MYH10: variants seen among roughly 807,000 people sequenced by gnomAD.
MYH10 encodes myosin heavy chain 10.
MYH10 carries 55 observed loss-of-function variants against 257.8 expected under a neutral mutation model. That is an observed-to-expected ratio of 0.21 (90% CI 0.17 to 0.27). MYH10 has a LOEUF of 0.27. MYH10 is among the 10% of genes least tolerant of loss of function. The probability of loss-of-function intolerance (pLI) is 1.00; values close to 1 mark genes in which losing one functional copy is unlikely to be tolerated. For missense variants in MYH10, 1,631 were observed against 2,500.6 expected (o/e 0.65, Z 7.42); for synonymous variants, 854 against 921.7 (o/e 0.93, Z 1.33).
chr17:8,536,768 CAGCCTGGGTAACAG>C (rs1448091095), intron 14 of MYH10, among the ~76,000 whole-genome samples: 235 of 147,822 alleles, frequency 1.6e-3, no homozygotes, highest in African/African-American at 5.7e-3. Context: ...CATTGCACTC[CAGCCTGGGTAACAG>C]AGCAAGACTC....
chr17:8,563,463 C>T (rs1463915939), intron 7 of MYH10, among the ~76,000 whole-genome samples: 1 of 152,084 alleles, frequency 6.6e-6, no homozygotes, highest in South Asian at 2.1e-4. Flanking sequence ...CTCCCCAATC[C>T]GGGGTCAAGG....
intron 35 of MYH10, among the ~76,000 whole-genome samples, chr17:8,489,351 C>T (rs1029767805): frequency 6.6e-6 from 1 of 152,108 alleles, no homozygotes; most frequent in African/African-American, 2.4e-5. Flanking sequence ...ATTTCTTATC[C>T]AGCAATAAAT....
In MYH10 at chr17:8,546,992, C is replaced by T. The variant is rs186427625; in HGVS notation, c.1160-330G>A. On this transcript the variant is annotated intron_variant, in intron 11 of 42. Transcript: ENST00000360416. The stretch of plus-strand genomic sequence containing the variant: ...GGCATGATCTCACTACTGATCAGCA[C>T]GGGAGTTTTGACCTGCTCCATTTTC... Among the ~76,000 whole-genome samples, 414 of 152,264 alleles carry T rather than the reference C, an allele frequency of 2.7e-3. 3 individuals are homozygous for T. Among genetic ancestry groups the T allele is most frequent in the Non-Finnish European group, 3.2e-3 (215 of 68,026 alleles).
intron 24 of MYH10, chr17:8,511,035 T>TACAC (rs879260150): frequency 2.5e-4 from 13 of 51,780 alleles, no homozygotes; most frequent in African/African-American, 1.0e-3. Flanking sequence ...TATATATATA[T>TACAC]ATATATATAT....
intron 14 of MYH10, among the ~76,000 whole-genome samples, chr17:8,540,148 T>A (rs1320314750): frequency 2.0e-5 from 3 of 152,130 alleles, no homozygotes; most frequent in Non-Finnish European, 4.4e-5. Flanking sequence ...TGCCACCACA[T>A]CCGGCTAATT....
At chr17:8,497,840 T>C (rs1193873799) in intron 30 of MYH10, among the ~76,000 whole-genome samples, 3 of 151,338 alleles carry the variant, frequency 2.0e-5, no homozygotes, top group Non-Finnish European at 4.4e-5. Flanking sequence ...CCTAAAAACA[T>C]GACTTTTTTG....
chr17:8,599,544 C>CCCT (rs919220615), intron 3 of MYH10, among the ~76,000 whole-genome samples: 1 of 152,192 alleles, frequency 6.6e-6, no homozygotes, highest in African/African-American at 2.4e-5. Context: ...AATCTCTCCT[C>CCCT]CCTCCTCCTC....
intron 4 of MYH10, among the ~76,000 whole-genome samples, chr17:8,577,951 T>A (rs75045023): frequency 2.0e-5 from 3 of 152,288 alleles, no homozygotes; most frequent in East Asian, 3.9e-4. Flanking sequence ...AGAACATTCA[T>A]GAAGAAAACT....
rs796488489 is a variant in MYH10, at chr17:8,621,943, CT to C, written c.345+958del. On this transcript the variant is annotated intron_variant, in intron 2 of 42. Transcript: ENST00000360416. ...AAGGCAGAGAGACCTGGCCTGTCTT[CT>C]TCACTGTACTATCCCCAGCACCTAG... Among the ~76,000 whole-genome samples the C allele has an allele frequency of 5.3e-5, 8 of 152,344 alleles. 1 individual carries two copies. The highest frequency in any genetic ancestry group is 1.9e-4 in the African/African-American group (8 of 41,588).
At chr17:8,629,027 T>C (rs2085789368) in intron 1 of MYH10, among the ~76,000 whole-genome samples, 1 of 152,168 alleles carries the variant, frequency 6.6e-6, no homozygotes, top group Non-Finnish European at 1.5e-5. Context: ...AGTAAGGAGA[T>C]GCATAAAATG....
chr17:8,502,480 T>TTGTGTGTGTGTGTGTGTGTGTGTGTGTG (rs55865122), intron 28 of MYH10, among the ~76,000 whole-genome samples: 12 of 150,260 alleles, frequency 8.0e-5, no homozygotes, highest in Admixed American at 1.3e-4. Context: ...GGGAAAATAG[T>TTGTGTGTGTGTGTGTGTGTGTGTGTGTG]TGTGTGTGTG....
intron 16 of MYH10, among the ~76,000 whole-genome samples, chr17:8,534,144 A>G (rs1010316187): frequency 3.3e-5 from 5 of 152,272 alleles, no homozygotes; most frequent in African/African-American, 9.6e-5. Flanking sequence ...TGTAAGTTCT[A>G]TTGCAGCTCC....
At chr17:8,516,908 G>A (rs1260607069) in intron 21 of MYH10, among the ~76,000 whole-genome samples, 1 of 152,170 alleles carries the variant, frequency 6.6e-6, no homozygotes, top group Non-Finnish European at 1.5e-5. Context: ...GGAGGCTGAG[G>A]CGGGTGGATC....
At chr17:8,598,074 C>T (rs547793080) in intron 3 of MYH10, among the ~76,000 whole-genome samples, 67 of 152,222 alleles carry the variant, frequency 4.4e-4, no homozygotes, top group Non-Finnish European at 7.8e-4. Flanking sequence ...CTCTGCCTCC[C>T]GGGTTCAGGC....
Position 8,489,811 on chromosome 17 carries a change from A to C in MYH10, c.4884+529T>G, listed in dbSNP as rs140621181. 6.8e-4 allele frequency among the ~76,000 whole-genome samples: 104 copies of C among 152,284 alleles called. No individual in the cohort carries two copies. In the East Asian group the frequency reaches 0.017, roughly 25 times the overall value. ...GGCAAAATACCCACAATTCATTTTT[A>C]AAGTAAAGTTTTAGACTAGAAATTT... On this transcript the variant is annotated intron_variant, in intron 35 of 42. Coordinates refer to ENST00000360416, the MANE Select transcript of MYH10 (RefSeq NM_001256012.3).
At chr17:8,516,463 C>G (rs1276132709) in intron 21 of MYH10, among the ~76,000 whole-genome samples, 2 of 152,134 alleles carry the variant, frequency 1.3e-5, no homozygotes, top group African/African-American at 4.8e-5. Flanking sequence ...TATTGAGGGG[C>G]AGGGGCTGCA....
chr17:8,487,570 C>G lies in MYH10; in HGVS notation c.4909G>C (p.Glu1637Gln). The G allele has an allele frequency of 6.2e-7, 1 of 1,614,188 alleles. No homozygotes were observed. The highest frequency in any genetic ancestry group is 1.1e-5 in the South Asian group (1 of 91,084). Residue 1637 changes from glutamate (E) to glutamine (Q), a missense_variant, in exon 36 of 43, where the codon GAG becomes CAG. Glu to Gln is a conservative substitution (Grantham distance 29, BLOSUM62 2). Transcript: ENST00000360416. Reference protein sequence around the residue: ...KQVRELEAELEDERKQRALAV... With the variant: ...KQVRELEAELQDERKQRALAV... Reference sequence around the variant, plus strand: ...AGCGCCCGCTGTTTCCTCTCATCCTCCAGCTCCGCCTCGAGCTCCCGCACC... The same window carrying G: ...AGCGCCCGCTGTTTCCTCTCATCCTGCAGCTCCGCCTCGAGCTCCCGCACC...
At chr17:8,559,296 AT>A (rs1289978185) in intron 7 of MYH10, among the ~76,000 whole-genome samples, 5 of 152,288 alleles carry the variant, frequency 3.3e-5, no homozygotes, top group Non-Finnish European at 7.4e-5. Flanking sequence ...ATGACTAGAA[AT>A]TGAAAACTTC....
chr17:8,550,602 G>A (rs1349217364), intron 9 of MYH10, among the ~76,000 whole-genome samples: 7 of 152,080 alleles, frequency 4.6e-5, no homozygotes, highest in Admixed American at 4.6e-4. Context: ...GGGAAGTGAG[G>A]AGCCCCTCTG....
Sources: allele counts gnomAD v4.1 joint callset (sites outside exome capture counted in the v4.1 genomes callset), GRCh38; gene constraint gnomAD v4.1.1; transcripts MANE v1.5; gene names NCBI Gene and HGNC (gene_info 2026-07-23, HGNC 2026-07-21).